Variants in ID1 observed in about 807,000 individuals in gnomAD.
ID1 encodes the protein DNA-binding protein inhibitor ID-1.
In ID1, 8 loss-of-function variants were observed where a neutral mutation model predicts 11.3. The ratio of observed to expected loss-of-function variants is 0.71; its 90% confidence interval spans 0.42 to 1.28. The LOEUF (loss-of-function observed/expected upper bound fraction) is 1.28. Among genes scored for constraint, ID1 ranks in the 50% most tolerant of loss-of-function variants. ID1 has a pLI of 0.01. For missense variants in ID1, 347 were observed against 219.8 expected (o/e 1.58, Z -3.66); for synonymous variants, 176 against 100.2 (o/e 1.76, Z -4.52).
At position 31,605,715 on chromosome 20, in the gene ID1, A is replaced by G; in HGVS notation, c.328A>G (p.Asn110Asp). 4 of 1,611,542 alleles carry G rather than the reference A, an allele frequency of 2.5e-6. No individual in the cohort carries two copies. Among genetic ancestry groups the G allele is most frequent in the Non-Finnish European group, 2.5e-6 (3 of 1,178,864 alleles). Residue 110 changes from asparagine (N) to aspartate (D), a missense_variant, in exon 1 of 2, where the codon AAC becomes GAC. Coordinates refer to ENST00000376112, the MANE Select transcript of ID1 (RefSeq NM_002165.4). ...DYIRDLQLEL[N>D]SESEVGTPGG... Reference sequence around the variant, plus strand: ...CATCAGGGACCTTCAGTTGGAGCTGAACTCGGAATCCGAAGTTGGAACCCC... The same window carrying G: ...CATCAGGGACCTTCAGTTGGAGCTGGACTCGGAATCCGAAGTTGGAACCCC...
chr20:31,605,663 G>A lies in ID1; in HGVS notation c.276G>A (p.Val92=), dbSNP rs1236284780. The change falls in exon 1 of 2, where the codon GTG becomes GTA. Residue 92 remains valine (V), a synonymous_variant. Transcript: ENST00000376112. ...CCCAGAACCGCAAGGTGAGCAAGGT[G>A]GAGATTCTCCAGCACGTCATCGACT... ...TLPQNRKVSK[V]EILQHVIDYI... is the part of the protein sequence containing the mutation. 6.2e-7 allele frequency: 1 copy of A among 1,608,506 alleles called. No homozygotes were observed. Among genetic ancestry groups the A allele is most frequent in the East Asian group, 2.2e-5 (1 of 44,482 alleles).
At position 31,605,429 on chromosome 20, in the gene ID1, C is replaced by G. The variant is rs1253346191; in HGVS notation, c.42C>G (p.Gly14=). 6.2e-7 allele frequency: 1 copy of G among 1,607,932 alleles called. No individual in the cohort carries two copies. The highest frequency in any genetic ancestry group is 1.3e-5 in the African/African-American group (1 of 74,766). ...ASGSTATAAA[G]PSCALKAGKT... ...GCAGCACCGCCACCGCCGCCGCGGG[C>G]CCCAGCTGCGCGCTGAAGGCCGGCA... Residue 14 remains glycine (G), a synonymous_variant, in exon 1 of 2, where the codon GGC becomes GGG. Coordinates refer to ENST00000376112, the MANE Select transcript of ID1 (RefSeq NM_002165.4).
intron 1 of ID1, 92 bp from the exon 2 acceptor site, chr20:31,605,961 C>T (rs1354362264): frequency 5.0e-6 from 8 of 1,604,610 alleles, no homozygotes; most frequent in African/African-American, 1.3e-5. Flanking sequence ...AAAAGCGCTC[C>T]CCCGTCGTGC....
At position 31,605,415 on chromosome 20, in the gene ID1, A is replaced by G. The variant is rs1568818777; in HGVS notation, c.28A>G (p.Thr10Ala). The change falls in exon 1 of 2, where the codon ACC becomes GCC. Residue 10 changes from threonine to alanine, a missense_variant. Thr to Ala is a moderately conservative substitution (Grantham distance 58). Transcript: ENST00000376112. ...GAAAGTCGCCAGTGGCAGCACCGCC[A>G]CCGCCGCCGCGGGCCCCAGCTGCGC... is the stretch of plus-strand genomic sequence containing the variant. Reference protein sequence around the residue: MKVASGSTATAAAGPSCALK... With the variant: MKVASGSTAAAAAGPSCALK... 2 of 1,604,176 alleles carry G rather than the reference A, an allele frequency of 1.2e-6. No individual in the cohort carries two copies. The highest frequency in any genetic ancestry group is 8.5e-7 in the Non-Finnish European group (1 of 1,177,826).
Position 31,605,451 on chromosome 20 carries a change from G to A in ID1, c.64G>A (p.Gly22Ser), listed in dbSNP as rs749355245. ...GGGCCCCAGCTGCGCGCTGAAGGCC[G>A]GCAAGACAGCGAGCGGTGCGGGCGA... The part of the protein sequence containing the change: ...AAGPSCALKA[G>S]KTASGAGEVV... The change falls in exon 1 of 2, where the codon GGC (glycine) becomes AGC (serine). Residue 22 changes from glycine to serine, a missense_variant. Physicochemically the swap from Gly to Ser is moderately conservative, Grantham distance 56. Transcript: ENST00000376112. 3.1e-6 allele frequency: 5 copies of A among 1,608,872 alleles called. No individual in the cohort carries two copies. The highest frequency in any genetic ancestry group is 2.7e-5 in the African/African-American group (2 of 74,734).
At position 31,606,132 on chromosome 20, in the gene ID1, A is replaced by G. The variant is rs1431929429; in HGVS notation, c.*38A>G. The stretch of plus-strand genomic sequence containing the variant: ...AGGGACCGGCGGACCCCAGCCATCC[A>G]GGGGGCAAGAGGAATTACGTGCTCT... On this transcript the variant is annotated 3_prime_UTR_variant, in exon 2 of 2. Coordinates refer to ENST00000376112, the MANE Select transcript of ID1 (RefSeq NM_002165.4). 1.9e-6 allele frequency: 3 copies of G among 1,591,056 alleles called. No individual in the cohort carries two copies. The highest frequency in any genetic ancestry group is 2.6e-6 in the Non-Finnish European group (3 of 1,164,390).
At position 31,605,649 on chromosome 20, in the gene ID1, A is replaced by C. The variant is rs1986071500; in HGVS notation, c.262A>C (p.Lys88Gln). The change falls in exon 1 of 2, where the codon AAG (lysine) becomes CAG (glutamine). Residue 88 changes from lysine to glutamine, a missense_variant. Physicochemically the swap from Lys to Gln is moderately conservative, Grantham distance 53 (BLOSUM62 1). Coordinates refer to ENST00000376112, the MANE Select transcript of ID1 (RefSeq NM_002165.4). The part of the protein sequence containing the change: ...ELVPTLPQNR[K>Q]VSKVEILQHV... ...GGTGCCCACCCTGCCCCAGAACCGCAAGGTGAGCAAGGTGGAGATTCTCCA... is the reference window on the plus strand; with the variant it reads ...GGTGCCCACCCTGCCCCAGAACCGCCAGGTGAGCAAGGTGGAGATTCTCCA... 1 of 1,605,112 alleles carries C rather than the reference A, an allele frequency of 6.2e-7. No homozygotes were observed. Among genetic ancestry groups the C allele is most frequent in the Non-Finnish European group, 8.5e-7 (1 of 1,175,918 alleles).
chr20:31,605,414 C>T lies in ID1; in HGVS notation c.27C>T (p.Ala9=), dbSNP rs1215530011. 2 of 1,604,676 alleles carry T rather than the reference C, an allele frequency of 1.2e-6. No homozygotes were observed. The highest frequency in any genetic ancestry group is 1.7e-6 in the Non-Finnish European group (2 of 1,177,960). ...TGAAAGTCGCCAGTGGCAGCACCGC[C>T]ACCGCCGCCGCGGGCCCCAGCTGCG... MKVASGST[A]TAAAGPSCAL... Residue 9 remains alanine (A), a synonymous_variant, in exon 1 of 2, where the codon GCC becomes GCT. Coordinates refer to ENST00000376112, the MANE Select transcript of ID1 (RefSeq NM_002165.4).
Position 31,605,403 on chromosome 20 carries a change from G to A in ID1, c.16G>A (p.Gly6Ser), listed in dbSNP as rs771246593. Residue 6 changes from glycine to serine, a missense_variant, in exon 1 of 2, where the codon GGC becomes AGC. Gly to Ser is a moderately conservative substitution (Grantham distance 56). Coordinates refer to ENST00000376112, the MANE Select transcript of ID1 (RefSeq NM_002165.4). ...GCCAAGAATCATGAAAGTCGCCAGTGGCAGCACCGCCACCGCCGCCGCGGG... is the reference window on the plus strand; with the variant it reads ...GCCAAGAATCATGAAAGTCGCCAGTAGCAGCACCGCCACCGCCGCCGCGGG... MKVASGSTATAAAGPS... is the reference protein window; with the variant it reads MKVASSSTATAAAGPS... The A allele has an allele frequency of 8.7e-6, 14 of 1,602,046 alleles. No homozygotes were observed. The highest frequency in any genetic ancestry group is 1.1e-5 in the Non-Finnish European group (13 of 1,177,728).
In ID1 at chr20:31,606,356, C is replaced by A; in HGVS notation, c.*262C>A. 2 of 551,962 alleles carry A rather than the reference C, an allele frequency of 3.6e-6. No individual in the cohort carries two copies. The highest frequency in any genetic ancestry group is 6.6e-6 in the Non-Finnish European group (2 of 303,720). 34.2% of individuals were successfully genotyped at this position (551,962 alleles called of 1,614,324 possible). A position where few individuals can be genotyped will look rare whatever the true frequency, so the allele number is the denominator to read the frequency against. On this transcript the variant is annotated 3_prime_UTR_variant, in exon 2 of 2. Coordinates refer to ENST00000376112, the MANE Select transcript of ID1 (RefSeq NM_002165.4). ...TCGTGTGTTTCTATTTTTTGAAAAG[C>A]AGACATTTTAAAAAATGGTCACGTT...
In ID1 at chr20:31,605,759, G is replaced by A. The variant is rs752043664; in HGVS notation, c.372G>A (p.Pro124=). 5.0e-6 allele frequency: 8 copies of A among 1,610,194 alleles called. No homozygotes were observed. The highest frequency in any genetic ancestry group is 3.3e-5 in the South Asian group (3 of 90,530). Residue 124 remains proline, a synonymous_variant, in exon 1 of 2, where the codon CCG becomes CCA. Coordinates refer to ENST00000376112, the MANE Select transcript of ID1 (RefSeq NM_002165.4). The part of the protein sequence containing the change: ...EVGTPGGRGL[P]VRAPLSTLNG... ...GAACCCCCGGGGGCCGAGGGCTGCCGGTCCGGGCTCCGCTCAGCACCCTCA... is the reference window on the plus strand; with the variant it reads ...GAACCCCCGGGGGCCGAGGGCTGCCAGTCCGGGCTCCGCTCAGCACCCTCA...
Position 31,606,487 on chromosome 20 carries a change from A to C in ID1, c.*393A>C. ...AGTTCTGTGGGGCTGTTTTTTTGTT[A>C]TTAAACAAATAATTTAGATGGTGGT... On this transcript the variant is annotated 3_prime_UTR_variant, in exon 2 of 2. Transcript: ENST00000376112. The C allele has an allele frequency of 4.6e-6, 1 of 217,240 alleles. No homozygotes were observed. Among genetic ancestry groups the C allele is most frequent in the Non-Finnish European group, 1.0e-5 (1 of 100,152 alleles). The allele number at this position is 217,240 out of a possible 1,614,324, so 13.5% of individuals were successfully genotyped here.
intron 1 of ID1, 54 bp downstream of exon 1, chr20:31,605,867 G>A (rs1416047924): frequency 3.8e-6 from 6 of 1,593,092 alleles, no homozygotes; most frequent in Non-Finnish European, 5.1e-6. Flanking sequence ...GGAAACGGAG[G>A]CCAGAGAGGG....
In ID1 at chr20:31,605,320, A is replaced by T; in HGVS notation, c.-68A>T. 1.4e-6 allele frequency: 2 copies of T among 1,427,598 alleles called. No individual in the cohort carries two copies. The highest frequency in any genetic ancestry group is 1.9e-6 in the Non-Finnish European group (2 of 1,052,370). 88.4% of individuals were successfully genotyped at this position (1,427,598 alleles called of 1,614,324 possible). A position where few individuals can be genotyped will look rare whatever the true frequency, so the allele number is the denominator to read the frequency against. On this transcript the variant is annotated 5_prime_UTR_variant, in exon 1 of 2. Transcript: ENST00000376112. ...CGTTCTTAACTGTTCCATTTTCCGTATCTGCTTCGGGCTTCCACCTCATTT... is the reference window on the plus strand; with the variant it reads ...CGTTCTTAACTGTTCCATTTTCCGTTTCTGCTTCGGGCTTCCACCTCATTT...
intron 1 of ID1, 91 bp downstream of exon 1, chr20:31,605,904 C>T (rs1224654518): frequency 4.4e-6 from 7 of 1,582,808 alleles, no homozygotes; most frequent in Non-Finnish European, 6.0e-6. Flanking sequence ...ACTTCCGTCC[C>T]ATCCTTGCGG....
chr20:31,606,505 ATGG>A (rs1225708834), exon 2 of ID1: 6 of 199,090 alleles, frequency 3.0e-5, no homozygotes, highest in South Asian at 5.6e-4. Flanking sequence ...AATAATTTAG[ATGG>A]TGGTAAAGTT....
chr20:31,606,463 G>T lies in ID1; in HGVS notation c.*369G>T, dbSNP rs747634860. On this transcript the variant is annotated 3_prime_UTR_variant, in exon 2 of 2. Coordinates refer to ENST00000376112, the MANE Select transcript of ID1 (RefSeq NM_002165.4). ...CGACTGAAAATATTGTTTTACAATAGTTCTGTGGGGCTGTTTTTTTGTTAT... is the reference window on the plus strand; with the variant it reads ...CGACTGAAAATATTGTTTTACAATATTTCTGTGGGGCTGTTTTTTTGTTAT... The T allele has an allele frequency of 2.3e-5, 6 of 259,866 alleles. No individual in the cohort carries two copies. Among genetic ancestry groups the T allele is most frequent in the Non-Finnish European group, 4.7e-5 (6 of 126,998 alleles). The allele number at this position is 259,866 out of a possible 1,614,324, so 16.1% of individuals were successfully genotyped here.
intron 1 of ID1, 77 bp from the exon 2 acceptor site, chr20:31,605,976 T>G: frequency 1.2e-6 from 2 of 1,609,990 alleles, no homozygotes; most frequent in Non-Finnish European, 1.7e-6. Flanking sequence ...TCGTGCTTCC[T>G]GGGGAAGGGG....
At position 31,606,221 on chromosome 20, in the gene ID1, C is replaced by A; in HGVS notation, c.*127C>A. ...GAACAAGACCGATCGGCGGCCACTG[C>A]GCCCTTAACTGCATCCAGCCTGGGG... On this transcript the variant is annotated 3_prime_UTR_variant, in exon 2 of 2. Transcript: ENST00000376112. The A allele has an allele frequency of 4.0e-6, 4 of 1,000,622 alleles. No individual in the cohort carries two copies. Among genetic ancestry groups the A allele is most frequent in the Non-Finnish European group, 4.6e-6 (3 of 651,104 alleles). The allele number at this position is 1,000,622 out of a possible 1,614,324, so 62.0% of individuals were successfully genotyped here. A position where few individuals can be genotyped will look rare whatever the true frequency, so the allele number is the denominator to read the frequency against.
Sources: allele counts gnomAD v4.1 joint callset, GRCh38; gene constraint gnomAD v4.1.1; transcripts MANE v1.5; gene names NCBI Gene and HGNC (gene_info 2026-07-23, HGNC 2026-07-21).